The following WIPF3 variants were observed in gnomAD, a reference collection of about 807,000 sequenced individuals.
WIPF3 encodes WAS/WASL interacting protein family member 3.
A neutral mutation model predicts 38.9 loss-of-function variants in WIPF3; 33 were observed. The observed-to-expected ratio is 0.85, with a 90% CI of 0.64 to 1.14. The LOEUF (loss-of-function observed/expected upper bound fraction) is 1.14. Ranked by LOEUF, WIPF3 falls within the 50% of genes most tolerant of loss-of-function variation. The probability of loss-of-function intolerance (pLI) is 0.00; values close to 1 mark genes in which losing one functional copy is unlikely to be tolerated. For synonymous variants in WIPF3, 324 were observed against 269.3 expected, an observed-to-expected ratio of 1.20 and a Z score of -1.99; for missense variants, 711 against 652.5, an observed-to-expected ratio of 1.09 and a Z score of -0.98.
chr7:29,899,876 A>G (rs560055920), intron 7 of WIPF3, among the ~76,000 whole-genome samples: 25 of 152,336 alleles, frequency 1.6e-4, no homozygotes, highest in African/African-American at 5.8e-4. Context: ...CAAATAGAAG[A>G]GAGAAGAGAC....
intron 2 of WIPF3, among the ~76,000 whole-genome samples, chr7:29,840,117 A>G (rs1380716102): frequency 6.6e-6 from 1 of 152,170 alleles, no homozygotes; most frequent in African/African-American, 2.4e-5. Flanking sequence ...AGCTGGGCTC[A>G]TTCAGCCTCC....
chr7:29,817,613 C>A (rs575688380), intron 1 of WIPF3, among the ~76,000 whole-genome samples: 14 of 152,144 alleles, frequency 9.2e-5, no homozygotes, highest in African/African-American at 3.4e-4. Context: ...ATCTTTTCCC[C>A]ACTGATATCC....
rs1784296496 is a variant in WIPF3 at position 29,807,173 on chromosome 7, G to A, written c.-58+495G>A. Among the ~76,000 whole-genome samples, 3 of 152,250 alleles carry A rather than the reference G, an allele frequency of 2.0e-5. No homozygotes were observed. The South Asian group carries it at 6.2e-4, about 32-fold the overall frequency. On this transcript the variant is annotated intron_variant, in intron 1 of 8. Coordinates refer to ENST00000242140, the MANE Select transcript of WIPF3 (RefSeq NM_001080529.3). ...GCTAGGAAATTGCAGAGCCGGAGGTGGCTTGGGGAATACAGAAGGAGCCCC... is the reference window on the plus strand; with the variant it reads ...GCTAGGAAATTGCAGAGCCGGAGGTAGCTTGGGGAATACAGAAGGAGCCCC...
At position 29,916,358 on chromosome 7, in the gene WIPF3, C is replaced by G. The variant is rs1294092583; in HGVS notation, c.*1842C>G. The G allele has an allele frequency of 6.6e-6, 1 of 152,214 alleles. No individual in the cohort carries two copies. Among genetic ancestry groups the G allele is most frequent in the Non-Finnish European group, 1.5e-5 (1 of 68,056 alleles). The allele number at this position is 152,214 out of a possible 1,614,324, so 9.4% of individuals were successfully genotyped here. On this transcript the variant is annotated 3_prime_UTR_variant, in exon 9 of 9. Transcript: ENST00000242140. ...TTCCACCTTCAGAGTAGACTGCCTG[C>G]CCTAATGAGGTGTTTAGACATTCGT...
At chr7:29,880,878 C>A (rs920078049) in intron 4 of WIPF3, among the ~76,000 whole-genome samples, 1 of 152,290 alleles carries the variant, frequency 6.6e-6, no homozygotes, top group East Asian at 1.9e-4. Flanking sequence ...ACTTTCCCAA[C>A]AGCCCCCTTC....
chr7:29,835,092 C>T (rs1262121294), intron 2 of WIPF3, among the ~76,000 whole-genome samples: 1 of 151,772 alleles, frequency 6.6e-6, no homozygotes, highest in Non-Finnish European at 1.5e-5. Flanking sequence ...TACAGGCTCG[C>T]GAGTCTGAGT....
At chr7:29,894,764 GACAC>G (rs34105700) in intron 7 of WIPF3, among the ~76,000 whole-genome samples, 107 of 148,102 alleles carry the variant, frequency 7.2e-4, no homozygotes, top group East Asian at 4.2e-3. Context: ...CTCTCTTTCT[GACAC>G]ACACACACAC....
chr7:29,882,040 C>G lies in WIPF3; in HGVS notation c.356-1810C>G, dbSNP rs1036147882. Among the ~76,000 whole-genome samples the G allele has an allele frequency of 7.9e-5, 12 of 152,348 alleles. No individual in the cohort carries two copies. The East Asian group carries it at 2.3e-3, about 29-fold the overall frequency. On this transcript the variant is annotated intron_variant, in intron 4 of 8. Transcript: ENST00000242140. The stretch of plus-strand genomic sequence containing the variant: ...GCCCCTTTCTCCTCTGCAGTCTCAC[C>G]TTCCTCCCTGAGGGGCATGCCCGCC...
At chr7:29,865,996 T>C (rs922260973) in intron 2 of WIPF3, among the ~76,000 whole-genome samples, 1 of 152,108 alleles carries the variant, frequency 6.6e-6, no homozygotes, top group Non-Finnish European at 1.5e-5. Context: ...CTGTCTCTAC[T>C]AAAAATACAA....
At chr7:29,852,599 C>A (rs1305147193) in intron 2 of WIPF3, among the ~76,000 whole-genome samples, 1 of 152,228 alleles carries the variant, frequency 6.6e-6, no homozygotes, top group Non-Finnish European at 1.5e-5. Context: ...CCCTGATTCA[C>A]TGCTTTGACA....
intron 1 of WIPF3, among the ~76,000 whole-genome samples, chr7:29,832,670 C>T (rs1784739907): frequency 6.6e-6 from 1 of 152,148 alleles, no homozygotes; most frequent in Non-Finnish European, 1.5e-5. Flanking sequence ...GCTTATGCAC[C>T]TCCTTGGAAC....
At chr7:29,894,809 C>T (rs1008209244) in intron 7 of WIPF3, among the ~76,000 whole-genome samples, 5 of 152,076 alleles carry the variant, frequency 3.3e-5, no homozygotes, top group East Asian at 3.9e-4. Flanking sequence ...CGAGCACACA[C>T]GCTTAGCTCT....
At position 29,847,308 on chromosome 7, in the gene WIPF3, T is replaced by G. The variant is rs1785015803; in HGVS notation, c.90+12494T>G. Among the ~76,000 whole-genome samples, 3 of 152,012 alleles carry G rather than the reference T, an allele frequency of 2.0e-5. No individual in the cohort carries two copies. In the South Asian group the frequency reaches 6.2e-4, roughly 32 times the overall value. ...CCAAGATCAAAATTGAGAACCTGAGTTATCCAAGTGGGAAGTCAGGCCGGC... is the reference window on the plus strand; with the variant it reads ...CCAAGATCAAAATTGAGAACCTGAGGTATCCAAGTGGGAAGTCAGGCCGGC... On this transcript the variant is annotated intron_variant, in intron 2 of 8. Transcript: ENST00000242140.
chr7:29,827,565 A>C (rs1429928236), intron 1 of WIPF3, among the ~76,000 whole-genome samples: 1 of 152,082 alleles, frequency 6.6e-6, no homozygotes. Context: ...GGACGCTTAG[A>C]GGTGGCAGGA....
chr7:29,881,908 G>T (rs740145), intron 4 of WIPF3, among the ~76,000 whole-genome samples: 1 of 152,138 alleles, frequency 6.6e-6, no homozygotes, highest in Non-Finnish European at 1.5e-5. Flanking sequence ...TCTAGGGCTC[G>T]GGTTTCCATT....
chr7:29,862,267 G>A (rs1253595746), intron 2 of WIPF3, among the ~76,000 whole-genome samples: 1 of 152,172 alleles, frequency 6.6e-6, no homozygotes, highest in Non-Finnish European at 1.5e-5. Context: ...CTCAGCTTGA[G>A]TTCAAGATGA....
chr7:29,818,602 T>C (rs1438224463), intron 1 of WIPF3, among the ~76,000 whole-genome samples: 1 of 150,354 alleles, frequency 6.7e-6, no homozygotes, highest in Non-Finnish European at 1.5e-5. Context: ...TTCCGTGGAG[T>C]CTGTTAGGTT....
intron 1 of WIPF3, among the ~76,000 whole-genome samples, chr7:29,825,840 A>G (rs1339599058): frequency 2.0e-5 from 3 of 152,236 alleles, no homozygotes; most frequent in African/African-American, 7.2e-5. Flanking sequence ...ATTCACATAG[A>G]TAAACCCACA....
At chr7:29,886,951 G>A (rs1280266562) in intron 5 of WIPF3, among the ~76,000 whole-genome samples, 2 of 152,188 alleles carry the variant, frequency 1.3e-5, no homozygotes, top group African/African-American at 4.8e-5. Context: ...CTGCATGTGG[G>A]AGCAAGTAAA....
Sources: gnomAD v4.1 joint callset for allele counts (sites outside exome capture counted in the v4.1 genomes callset) on GRCh38, gnomAD v4.1.1 for gene constraint, MANE v1.5 for transcripts, NCBI Gene and HGNC (gene_info 2026-07-23, HGNC 2026-07-21) for gene names.